ZNF704: variants seen among roughly 807,000 people sequenced by gnomAD.
ZNF704 encodes zinc finger protein 704, also known as glucocorticoid induced gene 1.
Under a neutral mutation model 44.7 loss-of-function variants are expected in ZNF704, and 10 were observed. The ratio of observed to expected loss-of-function variants is 0.22; its 90% confidence interval spans 0.14 to 0.38. The LOEUF (loss-of-function observed/expected upper bound fraction) is 0.38. Ranked by LOEUF, ZNF704 falls within the 10% of genes least tolerant of loss-of-function variation. The pLI, the probability that ZNF704 is intolerant of heterozygous loss-of-function variation, is 1.00. For synonymous variants in ZNF704, 211 were observed against 207.6 expected, an observed-to-expected ratio of 1.02 and a Z score of -0.14; for missense variants, 390 against 545.5, an observed-to-expected ratio of 0.71 and a Z score of 2.84.
At chr8:80,760,440 G>A (rs1019236581) in intron 2 of ZNF704, among the ~76,000 whole-genome samples, 7 of 151,898 alleles carry the variant, frequency 4.6e-5, no homozygotes, top group East Asian at 3.9e-4. Flanking sequence ...GGTGGATCAC[G>A]AGGTCAAGAG....
intron 2 of ZNF704, among the ~76,000 whole-genome samples, chr8:80,778,992 A>T (rs1212640967): frequency 6.6e-6 from 1 of 152,000 alleles, no homozygotes; most frequent in Admixed American, 6.6e-5. Flanking sequence ...CTGCACATGT[A>T]CCCCTGAACC....
intron 2 of ZNF704, among the ~76,000 whole-genome samples, chr8:80,806,159 T>G (rs998359107): frequency 2.0e-5 from 3 of 152,208 alleles, no homozygotes; most frequent in African/African-American, 4.8e-5. Context: ...GCCTCATAAA[T>G]GAAAATGTGG....
the ZNF704 span, among the ~76,000 whole-genome samples, chr8:80,881,268 T>C: frequency 1.3e-5 from 2 of 152,160 alleles, no homozygotes; most frequent in South Asian, 4.1e-4. Context: ...CGCATAAATA[T>C]TCATCAAAAT....
At chr8:80,775,895 G>A (rs539522788) in intron 2 of ZNF704, among the ~76,000 whole-genome samples, 1 of 152,284 alleles carries the variant, frequency 6.6e-6, no homozygotes, top group African/African-American at 2.4e-5. Context: ...AAGTAAAAAT[G>A]TTGGTAAGAA....
chr8:80,790,793 T>A (rs929964973), intron 2 of ZNF704, among the ~76,000 whole-genome samples: 1 of 151,984 alleles, frequency 6.6e-6, no homozygotes, highest in African/African-American at 2.4e-5. Context: ...TATTGAAGGA[T>A]GCTCTGGGAC....
At chr8:80,825,673 G>C (rs1332889543) in intron 1 of ZNF704, among the ~76,000 whole-genome samples, 1 of 152,162 alleles carries the variant, frequency 6.6e-6, no homozygotes, top group East Asian at 1.9e-4. Context: ...CACATAGTTG[G>C]AAGTAAAGCA....
At chr8:80,863,965 C>A (rs1337566666) in intron 1 of ZNF704, among the ~76,000 whole-genome samples, 1 of 152,150 alleles carries the variant, frequency 6.6e-6, no homozygotes, top group South Asian at 2.1e-4. Context: ...TCTGTTACAA[C>A]AACACTTCCC....
chr8:80,741,166 G>A (rs1215805373), intron 2 of ZNF704, among the ~76,000 whole-genome samples: 2 of 152,178 alleles, frequency 1.3e-5, no homozygotes, highest in African/African-American at 4.8e-5. Flanking sequence ...TCCCAGGTAT[G>A]GCAAAATAGT....
intron 2 of ZNF704, among the ~76,000 whole-genome samples, chr8:80,714,648 G>A (rs1819043470): frequency 6.6e-6 from 1 of 152,010 alleles, no homozygotes; most frequent in Admixed American, 6.6e-5. Context: ...TATTTACATT[G>A]GCAGTTTTCC....
intron 5 of ZNF704, among the ~76,000 whole-genome samples, chr8:80,666,088 A>G (rs1395354135): frequency 1.3e-5 from 2 of 151,052 alleles, no homozygotes; most frequent in African/African-American, 4.9e-5. Context: ...AGCATTAGGT[A>G]TATCTCCCAA....
intron 2 of ZNF704, among the ~76,000 whole-genome samples, chr8:80,748,054 G>C (rs1305810476): frequency 6.6e-6 from 1 of 152,160 alleles, no homozygotes; most frequent in South Asian, 2.1e-4. Context: ...AGTTGCAACA[G>C]TTGTTAGATA....
chr8:80,840,612 T>C (rs1272412199), intron 1 of ZNF704, among the ~76,000 whole-genome samples: 1 of 152,186 alleles, frequency 6.6e-6, no homozygotes, highest in African/African-American at 2.4e-5. Context: ...TGCTCAACTA[T>C]TGCTCCTCTG....
At chr8:80,784,910 A>G (rs1202298686) in intron 2 of ZNF704, among the ~76,000 whole-genome samples, 1 of 152,190 alleles carries the variant, frequency 6.6e-6, no homozygotes, top group East Asian at 1.9e-4. Flanking sequence ...AAAAACTGAG[A>G]CGATAGTGTG....
At chr8:80,675,184 T>G (rs1234798733) in intron 4 of ZNF704, among the ~76,000 whole-genome samples, 1 of 152,164 alleles carries the variant, frequency 6.6e-6, no homozygotes, top group Non-Finnish European at 1.5e-5. Context: ...GACCTGAAAG[T>G]TGGAGAAGGA....
chr8:80,820,146 C>G (rs1257754486), intron 2 of ZNF704, among the ~76,000 whole-genome samples: 2 of 152,102 alleles, frequency 1.3e-5, no homozygotes, highest in Admixed American at 6.5e-5. Context: ...TTTTTTTCAT[C>G]TGACAAATAT....
At chr8:80,692,706 C>G (rs1818659818) in intron 3 of ZNF704, among the ~76,000 whole-genome samples, 1 of 151,996 alleles carries the variant, frequency 6.6e-6, no homozygotes, top group Non-Finnish European at 1.5e-5. Context: ...CTTCATTTAC[C>G]TGGGAAAAAA....
chr8:80,872,101 T>C (rs753810578), intron 1 of ZNF704, among the ~76,000 whole-genome samples: 2 of 152,226 alleles, frequency 1.3e-5, no homozygotes, highest in Non-Finnish European at 2.9e-5. Flanking sequence ...TCAGTATTTC[T>C]GGACAAAAAT....
intron 1 of ZNF704, 34 bp from the exon 2 acceptor site, chr8:80,821,649 T>TAAAA: frequency 6.5e-7 from 1 of 1,543,732 alleles, no homozygotes; most frequent in Non-Finnish European, 8.9e-7. Context: ...CTTACTCACA[T>TAAAA]AAAACATCAC....
intron 2 of ZNF704, among the ~76,000 whole-genome samples, chr8:80,775,502 T>C (rs1807396618): frequency 1.3e-5 from 2 of 152,224 alleles, no homozygotes; most frequent in Admixed American, 6.5e-5. Flanking sequence ...TTCAGCAAGT[T>C]ATTTTTCAGT....
Sources: allele counts gnomAD v4.1 joint callset (sites outside exome capture counted in the v4.1 genomes callset), GRCh38; gene constraint gnomAD v4.1.1; transcripts MANE v1.5; gene names NCBI Gene and HGNC (gene_info 2026-07-23, HGNC 2026-07-21).